FBXW4: variants seen among roughly 807,000 people sequenced by gnomAD.
FBXW4 encodes F-box and WD repeat domain containing 4, also known as F-box/WD repeat-containing protein 4.
In FBXW4, 40 loss-of-function variants were observed where a neutral mutation model predicts 61.8. The ratio of observed to expected loss-of-function variants is 0.65; its 90% CI spans 0.50 to 0.84. The LOEUF (loss-of-function observed/expected upper bound fraction) is 0.84, where lower values mean the gene tolerates loss of function less well. FBXW4 is among the 40% of genes least tolerant of loss of function. The pLI is 0.00. For synonymous variants in FBXW4, 311 were observed against 313.8 expected, an observed-to-expected ratio of 0.99 and a Z score of 0.10; for missense variants, 672 against 753.8, an observed-to-expected ratio of 0.89 and a Z score of 1.27.
At chr10:101,673,827 C>T (rs2064382365) in intron 2 of FBXW4, among the ~76,000 whole-genome samples, 154 bp from the exon 3 acceptor site, 1 of 152,208 alleles carries the variant, frequency 6.6e-6, no homozygotes, top group East Asian at 1.9e-4. Flanking sequence ...AATTACCTGC[C>T]CATCAGCTAT....
intron 5 of FBXW4, among the ~76,000 whole-genome samples, chr10:101,637,369 G>A (rs1390029559): frequency 8.0e-6 from 1 of 125,748 alleles, no homozygotes; most frequent in South Asian, 2.5e-4. Context: ...TCCAGCCTGG[G>A]CGACAGAGTG....
chr10:101,666,602 T>C (rs984249704), intron 5 of FBXW4, among the ~76,000 whole-genome samples: 1 of 152,088 alleles, frequency 6.6e-6, no homozygotes, highest in African/African-American at 2.4e-5. Flanking sequence ...CACATTTCCA[T>C]GTGAGTAGGG....
intron 6 of FBXW4, among the ~76,000 whole-genome samples, chr10:101,617,662 C>T (rs1458621466): frequency 6.6e-6 from 1 of 152,140 alleles, no homozygotes; most frequent in East Asian, 1.9e-4. Flanking sequence ...GTACTGCTAA[C>T]AAGGGGGCCA....
chr10:101,615,547 G>A (rs2063820299), intron 6 of FBXW4, among the ~76,000 whole-genome samples: 2 of 152,008 alleles, frequency 1.3e-5, no homozygotes, highest in Admixed American at 1.3e-4. Flanking sequence ...CTGCTCCTGG[G>A]AACCCCACTA....
At chr10:101,617,842 A>AG (rs961494598) in intron 6 of FBXW4, among the ~76,000 whole-genome samples, 1 of 152,230 alleles carries the variant, frequency 6.6e-6, no homozygotes, top group Non-Finnish European at 1.5e-5. Flanking sequence ...GAAAAAGTTA[A>AG]GGGGGGAGAA....
At chr10:101,687,713 C>T (rs2064548400) in intron 1 of FBXW4, among the ~76,000 whole-genome samples, 1 of 152,166 alleles carries the variant, frequency 6.6e-6, no homozygotes. Flanking sequence ...CCCTCCAGGT[C>T]AAGAGACTTG....
At chr10:101,674,708 A>G (rs1419311367) in intron 2 of FBXW4, among the ~76,000 whole-genome samples, 1 of 152,244 alleles carries the variant, frequency 6.6e-6, no homozygotes. Context: ...GGCTACAGAG[A>G]AAGTCAGCTC....
chr10:101,652,673 A>G (rs1175927321), intron 5 of FBXW4, among the ~76,000 whole-genome samples: 1 of 152,260 alleles, frequency 6.6e-6, no homozygotes, highest in Non-Finnish European at 1.5e-5. Context: ...GAAAATGCTT[A>G]TAAATCTCCA....
intron 6 of FBXW4, among the ~76,000 whole-genome samples, chr10:101,613,863 G>C (rs1410052114): frequency 6.6e-6 from 1 of 152,254 alleles, no homozygotes; most frequent in Non-Finnish European, 1.5e-5. Flanking sequence ...AGCCTCCTCA[G>C]GGAAGTTCTG....
chr10:101,689,083 G>A (rs2064562017), intron 1 of FBXW4, among the ~76,000 whole-genome samples: 2 of 151,846 alleles, frequency 1.3e-5, no homozygotes, highest in South Asian at 4.1e-4. Context: ...TGTCAGTTGG[G>A]GATTTCAGCA....
intron 5 of FBXW4, among the ~76,000 whole-genome samples, chr10:101,660,623 G>A (rs147658251): frequency 5.3e-4 from 81 of 152,276 alleles, no homozygotes; most frequent in Non-Finnish European, 9.4e-4. Flanking sequence ...ATTATCTGTT[G>A]GCAGAACGGT....
intron 6 of FBXW4, among the ~76,000 whole-genome samples, chr10:101,616,725 G>A (rs145442760): frequency 6.6e-6 from 1 of 152,378 alleles, no homozygotes; most frequent in Non-Finnish European, 1.5e-5. Context: ...GGAGTGTGCT[G>A]GCAGGGTCTG....
chr10:101,631,282 G>A (rs909013507), intron 5 of FBXW4, among the ~76,000 whole-genome samples: 3 of 152,188 alleles, frequency 2.0e-5, no homozygotes, highest in Admixed American at 1.3e-4. Flanking sequence ...GATATGCCTT[G>A]CCTTCAAGGG....
chr10:101,692,698 T>C (rs1589787774), intron 1 of FBXW4, among the ~76,000 whole-genome samples: 1 of 132,750 alleles, frequency 7.5e-6, no homozygotes, highest in Admixed American at 9.0e-5. Flanking sequence ...GTGAGCCGAG[T>C]GCACACCACT....
intron 4 of FBXW4, among the ~76,000 whole-genome samples, 171 bp downstream of exon 4, chr10:101,672,744 G>A (rs1413937312): frequency 1.3e-5 from 2 of 152,022 alleles, no homozygotes; most frequent in Non-Finnish European, 2.9e-5. Flanking sequence ...CAGGGACAAC[G>A]CCTGGCATGG....
At chr10:101,681,718 AAATAATAATAATAATAAT>A (rs60453783) in intron 1 of FBXW4, among the ~76,000 whole-genome samples, 2 of 143,418 alleles carry the variant, frequency 1.4e-5, no homozygotes, top group African/African-American at 5.1e-5. Flanking sequence ...CTCCGTCTCA[AAATAATAATAATAATAAT>A]AATAATAATA....
intron 6 of FBXW4, among the ~76,000 whole-genome samples, chr10:101,619,106 C>T (rs1181926667): frequency 6.6e-6 from 1 of 152,126 alleles, no homozygotes; most frequent in Non-Finnish European, 1.5e-5. Flanking sequence ...CAGGCTCGGG[C>T]AGGATGGCTT....
intron 5 of FBXW4, among the ~76,000 whole-genome samples, chr10:101,644,911 T>G (rs1278364638): frequency 1.3e-5 from 2 of 152,118 alleles, no homozygotes; most frequent in Admixed American, 6.5e-5. Context: ...TCTGACAGCC[T>G]AGGTGAGCTA....
In FBXW4 at chr10:101,694,822, G is replaced by T; in HGVS notation, c.284C>A (p.Ala95Glu). 1 of 1,309,764 alleles carries T rather than the reference G, an allele frequency of 7.6e-7. No homozygotes were observed. The highest frequency in any genetic ancestry group is 2.2e-5 in the South Asian group (1 of 44,828). 81.1% of individuals were successfully genotyped at this position (1,309,764 alleles called of 1,614,324 possible). A position where few individuals can be genotyped will look rare whatever the true frequency, so the allele number is the denominator to read the frequency against. The change falls in exon 1 of 9, where the codon GCG (alanine) becomes GAG (glutamate). Residue 95 changes from alanine to glutamate, a missense_variant. By Grantham distance (107) the Ala-to-Glu change is moderately radical. Around this residue, in one of 5 missense-constraint regions of FBXW4, gnomAD observed 311 missense variants for 301.1 expected, o/e 1.03. Coordinates refer to ENST00000331272, the MANE Select transcript of FBXW4 (RefSeq NM_022039.4). This position sits in a 1 kb window ranked among gnomAD's most constrained non-coding sequence, Gnocchi z 6.0. ...CTCGACTCCCTTGACGATGCCTCTC[G>T]CCCCTTCCTCCACGCTTCTGCCTCC... The part of the protein sequence containing the change: ...AEGGRSVEEG[A>E]RGIVKGVEGS...
Sources: gnomAD v4.1 joint callset for allele counts (sites outside exome capture counted in the v4.1 genomes callset) on GRCh38, gnomAD v4.1.1 for gene constraint, gnomAD v4.1.1 regional missense constraint, Gnocchi (gnomAD v3.1) non-coding constraint, MANE v1.5 for transcripts, NCBI Gene and HGNC (gene_info 2026-07-23, HGNC 2026-07-21) for gene names.